FTO: variants seen among roughly 807,000 people sequenced by gnomAD.
FTO encodes the protein FTO alpha-ketoglutarate dependent dioxygenase.
A neutral mutation model predicts 63.9 loss-of-function variants in FTO; 47 were observed. The ratio of observed to expected loss-of-function variants is 0.74; its 90% CI spans 0.58 to 0.94. The LOEUF is 0.94. Ranked by LOEUF, FTO falls within the 40% of genes least tolerant of loss-of-function variation. The probability of loss-of-function intolerance (pLI) is 0.00; values close to 1 mark genes in which losing one functional copy is unlikely to be tolerated. For missense variants in FTO, 562 were observed against 618.1 expected (o/e 0.91, Z 0.96); for synonymous variants, 207 against 224.4 (o/e 0.92, Z 0.69).
At chr16:53,940,119 CAA>C (rs2082492391) in intron 8 of FTO, among the ~76,000 whole-genome samples, 1 of 152,028 alleles carries the variant, frequency 6.6e-6, no homozygotes, top group African/African-American at 2.4e-5. Flanking sequence ...CAAGAACGCA[CAA>C]AGTTTCCCAT....
At chr16:53,936,939 G>A (rs1337953451) in intron 8 of FTO, among the ~76,000 whole-genome samples, 1 of 152,146 alleles carries the variant, frequency 6.6e-6, no homozygotes, top group Non-Finnish European at 1.5e-5. Flanking sequence ...ATCATATTAG[G>A]GAGAATTTTT....
At chr16:53,899,242 TTAA>T (rs2081345721) in intron 7 of FTO, among the ~76,000 whole-genome samples, 1 of 152,050 alleles carries the variant, frequency 6.6e-6, no homozygotes, top group Non-Finnish European at 1.5e-5. Context: ...TTTTTTTTTT[TTAA>T]TGAGAGGCTT....
At chr16:54,023,632 A>G (rs753479948) in intron 8 of FTO, among the ~76,000 whole-genome samples, 7 of 152,170 alleles carry the variant, frequency 4.6e-5, no homozygotes, top group Non-Finnish European at 8.8e-5. Context: ...TCGTTAATCT[A>G]CAGTGAAGGG....
At chr16:54,003,748 C>A (rs1216758481) in intron 8 of FTO, among the ~76,000 whole-genome samples, 1 of 152,116 alleles carries the variant, frequency 6.6e-6, no homozygotes, top group Non-Finnish European at 1.5e-5. Flanking sequence ...GTCATCTAAA[C>A]TCTTATTTAA....
chr16:54,063,192 A>G (rs141867870), intron 8 of FTO, among the ~76,000 whole-genome samples: 2 of 152,306 alleles, frequency 1.3e-5, no homozygotes, highest in African/African-American at 2.4e-5. Flanking sequence ...TCTGATACCA[A>G]TAGGGGTCCC....
Position 53,825,986 on chromosome 16 carries a change from G to C in FTO, c.246G>C (p.Leu82=). The change falls in exon 3 of 9, where the codon CTG becomes CTC. Residue 82 remains leucine, a synonymous_variant. Transcript: ENST00000471389. ...LHKHGCLFRD[L]VRIQGKDLLT... is the part of the protein sequence containing the mutation. ...AGCATGGCTGCTTATTTCGGGACCT[G>C]GTTAGGATCCAAGGCAAAGATCTGC... 2 of 1,614,150 alleles carry C rather than the reference G, an allele frequency of 1.2e-6. No homozygotes were observed. The highest frequency in any genetic ancestry group is 1.7e-6 in the Non-Finnish European group (2 of 1,180,030).
upstream of FTO, chr16:53,704,017 C>A (rs997783930): frequency 8.1e-6 from 6 of 739,420 alleles, no homozygotes; most frequent in Non-Finnish European, 1.4e-5. Flanking sequence ...AATCCCGTGG[C>A]GCTCGCGGGT....
At chr16:54,044,252 G>A (rs2085135560) in intron 8 of FTO, among the ~76,000 whole-genome samples, 1 of 60,306 alleles carries the variant, frequency 1.7e-5, no homozygotes, top group South Asian at 6.7e-4. Flanking sequence ...AAAATAAAAG[G>A]ATGGAGGAAG....
chr16:53,985,030 T>G (rs1823441006), intron 8 of FTO: 5 of 455,544 alleles, frequency 1.1e-5, no homozygotes, highest in South Asian at 7.8e-5. Context: ...GTTTAAAACC[T>G]GCCGTTAATT....
chr16:54,109,201 T>C (rs2086821824), intron 8 of FTO, among the ~76,000 whole-genome samples: 1 of 152,244 alleles, frequency 6.6e-6, no homozygotes, highest in Admixed American at 6.5e-5. Flanking sequence ...AATTTCTGAA[T>C]GAAGGCTCTG....
At chr16:53,890,162 G>A (rs1361506101) in intron 7 of FTO, among the ~76,000 whole-genome samples, 2 of 152,138 alleles carry the variant, frequency 1.3e-5, no homozygotes, top group Non-Finnish European at 2.9e-5. Flanking sequence ...TCTGGAGATA[G>A]TACCTCTGCA....
chr16:53,966,747 G>A (rs1037983634), intron 8 of FTO, among the ~76,000 whole-genome samples: 3 of 152,170 alleles, frequency 2.0e-5, no homozygotes, highest in African/African-American at 4.8e-5. Context: ...TACAAGTGAT[G>A]CAATCACAAA....
In FTO at chr16:53,911,506, G is replaced by C. The variant is rs371069965; in HGVS notation, c.1240-22479G>C. ...AATGGTAAGGACAGGAGGACAAGGTGGGGGAAGATAGGTGAATCTATAGAT... is the reference window on the plus strand; with the variant it reads ...AATGGTAAGGACAGGAGGACAAGGTCGGGGAAGATAGGTGAATCTATAGAT... On this transcript the variant is annotated intron_variant, in intron 7 of 8. Coordinates refer to ENST00000471389, the MANE Select transcript of FTO (RefSeq NM_001080432.3). 3 of 702,790 alleles carry C rather than the reference G, an allele frequency of 4.3e-6. No individual in the cohort carries two copies. In the Admixed American group the frequency reaches 6.0e-5, roughly 14 times the overall value. The allele number at this position is 702,790 out of a possible 1,614,324, so 43.5% of individuals were successfully genotyped here. A position where few individuals can be genotyped will look rare whatever the true frequency, so the allele number is the denominator to read the frequency against.
At chr16:53,878,115 A>G (rs945742376) in intron 5 of FTO, among the ~76,000 whole-genome samples, 11 of 152,238 alleles carry the variant, frequency 7.2e-5, no homozygotes, top group Non-Finnish European at 2.9e-5. Context: ...CCTGTCCAAT[A>G]TGGTAAAACC....
Position 53,930,562 on chromosome 16 carries a change from G to A in FTO, c.1240-3423G>A, listed in dbSNP as rs868749363. Reference sequence around the variant, plus strand: ...TTATAAGTACCATTTTTCTTTTGAAGTGAACTTATAGTTTTAAAAAATGAG... The same window carrying A: ...TTATAAGTACCATTTTTCTTTTGAAATGAACTTATAGTTTTAAAAAATGAG... On this transcript the variant is annotated intron_variant, in intron 7 of 8. Transcript: ENST00000471389. Among the ~76,000 whole-genome samples the A allele has an allele frequency of 3.9e-5, 6 of 152,128 alleles. No homozygotes were observed. In the South Asian group the frequency reaches 8.3e-4, roughly 21 times the overall value.
chr16:53,856,382 T>C (rs1253460152), intron 4 of FTO, among the ~76,000 whole-genome samples: 1 of 149,148 alleles, frequency 6.7e-6, no homozygotes, highest in African/African-American at 2.6e-5. Context: ...GGGGGATATT[T>C]ATTTACCAAA....
Position 53,777,206 on chromosome 16 carries a change from C to A in FTO, c.46-32934C>A, listed in dbSNP as rs1272816052. Reference sequence around the variant, plus strand: ...TTTTTACCCTTTGACTAACATCTCCCCTTTCTCTGCTCTATCCCACCAAAC... The same window carrying A: ...TTTTTACCCTTTGACTAACATCTCCACTTTCTCTGCTCTATCCCACCAAAC... On this transcript the variant is annotated intron_variant, in intron 1 of 8. Coordinates refer to ENST00000471389, the MANE Select transcript of FTO (RefSeq NM_001080432.3). Among the ~76,000 whole-genome samples the A allele has an allele frequency of 2.6e-5, 4 of 152,162 alleles. No individual in the cohort carries two copies. In the East Asian group the frequency reaches 7.7e-4, roughly 29 times the overall value.
intron 7 of FTO, among the ~76,000 whole-genome samples, chr16:53,922,294 G>A (rs1366645098): frequency 1.3e-5 from 2 of 152,164 alleles, no homozygotes; most frequent in Non-Finnish European, 2.9e-5. Flanking sequence ...CCCAAGGAAG[G>A]AGAGGCAGTA....
chr16:54,084,856 T>C (rs1318961210), intron 8 of FTO, among the ~76,000 whole-genome samples: 1 of 152,202 alleles, frequency 6.6e-6, no homozygotes, highest in Non-Finnish European at 1.5e-5. Flanking sequence ...ACTGGGTCTG[T>C]GCCATTTGCA....
Sources: gnomAD v4.1 joint callset for allele counts (sites outside exome capture counted in the v4.1 genomes callset) on GRCh38, gnomAD v4.1.1 for gene constraint, MANE v1.5 for transcripts, NCBI Gene and HGNC (gene_info 2026-07-23, HGNC 2026-07-21) for gene names.